ZNF292: variants seen among roughly 807,000 people sequenced by gnomAD.
ZNF292 encodes zinc finger protein 292.
In ZNF292, 26 loss-of-function variants were observed where a neutral mutation model predicts 217.9. The ratio of observed to expected loss-of-function variants is 0.12; its 90% CI spans 0.09 to 0.17. The LOEUF (loss-of-function observed/expected upper bound fraction) is 0.17, where lower values mean the gene tolerates loss of function less well. ZNF292 is among the 10% of genes least tolerant of loss of function. The pLI is 1.00. For missense variants in ZNF292, 2,904 were observed against 3,175.2 expected (o/e 0.91, Z 2.05); for synonymous variants, 1,257 against 1,124.1 (o/e 1.12, Z -2.37).
chr6:87,242,191 A>C (rs1035180260), intron 5 of ZNF292, among the ~76,000 whole-genome samples: 7 of 152,194 alleles, frequency 4.6e-5, no homozygotes, highest in Non-Finnish European at 1.0e-4. Flanking sequence ...TTGCTTATAA[A>C]GATTTGTTGA....
intron 1 of ZNF292, among the ~76,000 whole-genome samples, chr6:87,191,051 AATAC>A (rs1310917213): frequency 1.3e-5 from 2 of 152,220 alleles, no homozygotes; most frequent in East Asian, 3.8e-4. Context: ...GGGATCATAT[AATAC>A]ATAATATTGT....
intron 1 of ZNF292, among the ~76,000 whole-genome samples, chr6:87,156,762 C>G (rs1582355845): frequency 6.6e-6 from 1 of 152,236 alleles, no homozygotes; most frequent in Admixed American, 6.5e-5. Flanking sequence ...ACACTGTTTG[C>G]TAGTGATGAA....
rs1491107954 is a variant in ZNF292 at position 87,264,460 on chromosome 6, TCA to T, written c.*2662_*2663del. On this transcript the variant is annotated 3_prime_UTR_variant, in exon 8 of 8. Transcript: ENST00000369577. The stretch of plus-strand genomic sequence containing the variant: ...AGGCAAATTTTTATCAAGTGAGCAG[TCA>T]CAGTTGCTGTAGATAATATGAAAGT... Among the ~76,000 whole-genome samples, 1 of 152,224 alleles carries T rather than the reference TCA, an allele frequency of 6.6e-6. No homozygotes were observed. The highest frequency in any genetic ancestry group is 1.5e-5 in the Non-Finnish European group (1 of 68,040).
intron 1 of ZNF292, among the ~76,000 whole-genome samples, chr6:87,203,133 CTTT>C (rs67229216): frequency 1.8e-4 from 21 of 116,220 alleles, no homozygotes; most frequent in Non-Finnish European, 2.4e-4. Context: ...ATATATTTTC[CTTT>C]TTTTTTTTTT....
Position 87,259,913 on chromosome 6 carries a change from A to G in ZNF292, c.6284A>G (p.Lys2095Arg), listed in dbSNP as rs1775468952. The change falls in exon 8 of 8, where the codon AAG (lysine) becomes AGG (arginine). Residue 2095 changes from lysine to arginine, a missense_variant. This residue lies in a region of ZNF292 where 261 missense variants were observed against 272.8 expected (regional missense o/e 0.96). Transcript: ENST00000369577. ...AAAGAAAAGGAGGAGAAAAAACGAA[A>G]GAAGCCAGTTTCCCAATCCCTTGAG... The part of the protein sequence containing the change: ...HKKEKEEKKR[K>R]KPVSQSLEFP... The G allele has an allele frequency of 1.2e-6, 2 of 1,613,524 alleles. No homozygotes were observed. Among genetic ancestry groups the G allele is most frequent in the African/African-American group, 1.3e-5 (1 of 74,904 alleles).
chr6:87,232,119 G>T (rs1427233033), intron 4 of ZNF292, among the ~76,000 whole-genome samples: 2 of 152,120 alleles, frequency 1.3e-5, no homozygotes, highest in Non-Finnish European at 2.9e-5. Context: ...GTAAAGAATA[G>T]AGGGTAGCAG....
chr6:87,211,922 T>C (rs1463422142), intron 1 of ZNF292, among the ~76,000 whole-genome samples: 2 of 152,198 alleles, frequency 1.3e-5, no homozygotes, highest in Admixed American at 1.3e-4. Context: ...AATATATGTG[T>C]ATAGACATTC....
In ZNF292 at chr6:87,257,939, C is replaced by T. The variant is rs746078237; in HGVS notation, c.4310C>T (p.Pro1437Leu). 11 of 1,613,932 alleles carry T rather than the reference C, an allele frequency of 6.8e-6. No individual in the cohort carries two copies. The highest frequency in any genetic ancestry group is 7.6e-6 in the Non-Finnish European group (9 of 1,179,834). Residue 1437 changes from proline (P) to leucine (L), a missense_variant, in exon 8 of 8, where the codon CCA becomes CTA. Around this residue, in one of 15 missense-constraint regions of ZNF292, gnomAD observed 622 missense variants for 573.1 expected, o/e 1.09. Transcript: ENST00000369577. ...ACAAATGCAGTAAATTTGCAGCAGC[C>T]ACAACAATCTACCTTCAATCCAGAA... The part of the protein sequence containing the change: ...LSTNAVNLQQ[P>L]QQSTFNPEAC...
At position 87,258,354 on chromosome 6, in the gene ZNF292, A is replaced by G. The variant is rs1775357272; in HGVS notation, c.4725A>G (p.Leu1575=). The change falls in exon 8 of 8, where the codon TTA becomes TTG. Residue 1575 remains leucine (L), a synonymous_variant. Coordinates refer to ENST00000369577, the MANE Select transcript of ZNF292 (RefSeq NM_015021.3). ...TGCCTGTTTTTCCAACGAATGACTT[A>G]CTACTGAAGACTGTTGAAAATGGTT... ...SSLPVFPTND[L]LLKTVENGLC... The G allele has an allele frequency of 6.2e-7, 1 of 1,613,540 alleles. No homozygotes were observed. Among genetic ancestry groups the G allele is most frequent in the Non-Finnish European group, 8.5e-7 (1 of 1,179,782 alleles).
In ZNF292 at chr6:87,260,367, G is replaced by A. The variant is rs1775499924; in HGVS notation, c.6738G>A (p.Arg2246=). The change falls in exon 8 of 8, where the codon AGG becomes AGA. Residue 2246 remains arginine, a synonymous_variant. Transcript: ENST00000369577. ...HLEADHGIGL[R]ASKTEEDGVY... Reference sequence around the variant, plus strand: ...AGGCAGACCACGGGATTGGACTAAGGGCAAGTAAAACAGAAGAAGATGGTG... The same window carrying A: ...AGGCAGACCACGGGATTGGACTAAGAGCAAGTAAAACAGAAGAAGATGGTG... 2 of 1,613,438 alleles carry A rather than the reference G, an allele frequency of 1.2e-6. No individual in the cohort carries two copies. Among genetic ancestry groups the A allele is most frequent in the Non-Finnish European group, 1.7e-6 (2 of 1,179,596 alleles).
chr6:87,177,220 A>G (rs4707344), intron 1 of ZNF292, among the ~76,000 whole-genome samples: 60,729 of 151,682 alleles, frequency 0.4, 12,497 homozygotes, highest in Admixed American at 0.53. Flanking sequence ...CCAGCTACTC[A>G]GGATGCTGAG....
chr6:87,233,506 A>G lies in ZNF292; in HGVS notation c.720A>G (p.Pro240=). Residue 240 remains proline (P), a synonymous_variant, in exon 5 of 8, where the codon CCA becomes CCG. Transcript: ENST00000369577. ...TTGTCTGTCTTTGTACATCATCACC[A>G]AATGGAAAGTTAATCGAAGAGGTGA... The part of the protein sequence containing the change: ...TYLVCLCTSS[P]NGKLIEEISE... 1.2e-6 allele frequency: 2 copies of G among 1,611,082 alleles called. No homozygotes were observed. The highest frequency in any genetic ancestry group is 1.7e-4 in the Middle Eastern group (1 of 5,810).
chr6:87,218,185 A>G (rs1772884571), intron 3 of ZNF292, among the ~76,000 whole-genome samples: 2 of 152,160 alleles, frequency 1.3e-5, no homozygotes. Context: ...CTTTTATTGG[A>G]ATATGCATAA....
At chr6:87,252,279 G>A (rs560061269) in intron 7 of ZNF292, among the ~76,000 whole-genome samples, 29 of 151,868 alleles carry the variant, frequency 1.9e-4, no homozygotes, top group Non-Finnish European at 2.6e-4. Flanking sequence ...AGCCTCCTCA[G>A]TAGCTGGGAT....
At chr6:87,216,209 A>G in intron 2 of ZNF292, 90 bp from the exon 3 acceptor site, 1 of 1,321,756 alleles carries the variant, frequency 7.6e-7, no homozygotes, top group African/African-American at 1.5e-5. Flanking sequence ...AGTTATGGGG[A>G]GTCTGCTTAT....
rs1195660356 is a variant in ZNF292, at chr6:87,254,888, A to G, written c.1259A>G (p.Glu420Gly). ...CAGCCAGACCAGAAATATGATGAAG[A>G]GAATCTTCCAATACCAAATTCTTTA... ...YNQPDQKYDEENLPIPNSLRC... is the reference protein window; with the variant it reads ...YNQPDQKYDEGNLPIPNSLRC... Residue 420 changes from glutamate (E) to glycine (G), a missense_variant, in exon 8 of 8, where the codon GAG (glutamate) becomes GGG (glycine). Physicochemically the swap from Glu to Gly is moderately conservative, Grantham distance 98. Around this residue, in one of 15 missense-constraint regions of ZNF292, gnomAD observed 313 missense variants for 451.0 expected, o/e 0.69. Transcript: ENST00000369577. The G allele has an allele frequency of 1.9e-6, 3 of 1,613,730 alleles. No individual in the cohort carries two copies. The Admixed American group carries it at 5.0e-5, about 27-fold the overall frequency.
intron 6 of ZNF292, among the ~76,000 whole-genome samples, chr6:87,244,451 G>A (rs968896441): frequency 6.6e-6 from 1 of 152,192 alleles, no homozygotes; most frequent in Admixed American, 6.5e-5. Context: ...AATGTGTTTT[G>A]TTGGTTTTTA....
At chr6:87,219,236 T>C (rs996195225) in intron 4 of ZNF292, among the ~76,000 whole-genome samples, 7 of 152,198 alleles carry the variant, frequency 4.6e-5, no homozygotes, top group African/African-American at 1.2e-4. Context: ...AAATTACTTA[T>C]ATGTATAACA....
At chr6:87,187,720 A>AAT (rs1171919397) in intron 1 of ZNF292, among the ~76,000 whole-genome samples, 1 of 151,542 alleles carries the variant, frequency 6.6e-6, no homozygotes, top group Non-Finnish European at 1.5e-5. Flanking sequence ...GCCTCAAAAA[A>AAT]AAAAAAAAAA....
Sources: gnomAD v4.1 joint callset for allele counts (sites outside exome capture counted in the v4.1 genomes callset) on GRCh38, gnomAD v4.1.1 for gene constraint, gnomAD v4.1.1 regional missense constraint, MANE v1.5 for transcripts, NCBI Gene and HGNC (gene_info 2026-07-23, HGNC 2026-07-21) for gene names.